Variants in ENTPD1 observed in about 807,000 individuals in gnomAD.
ENTPD1 encodes ectonucleoside triphosphate diphosphohydrolase 1, also known as ATP diphosphohydrolase.
A neutral mutation model predicts 57.0 loss-of-function variants in ENTPD1; 33 were observed. The observed-to-expected ratio is 0.58, with a 90% CI of 0.44 to 0.77. The LOEUF (loss-of-function observed/expected upper bound fraction) is 0.77, where lower values mean the gene tolerates loss of function less well. Ranked by LOEUF, ENTPD1 falls within the 30% of genes least tolerant of loss-of-function variation. The pLI is 0.00. For synonymous variants in ENTPD1, 202 were observed against 218.8 expected (o/e 0.92, Z 0.68); for missense variants, 501 against 603.4 (o/e 0.83, Z 1.78).
At chr10:95,768,203 T>C (rs2098098307) in intron 1 of ENTPD1, among the ~76,000 whole-genome samples, 1 of 152,224 alleles carries the variant, frequency 6.6e-6, no homozygotes. Flanking sequence ...GTTCCCCATT[T>C]CTGAAATTTA....
intron 1 of ENTPD1, chr10:95,756,864 G>A (rs1275947082): frequency 1.3e-5 from 2 of 152,626 alleles, no homozygotes; most frequent in African/African-American, 4.8e-5. Flanking sequence ...ACGGGTAGAG[G>A]GAGGAAATAG....
chr10:95,726,762 G>T (rs759307301), intron 1 of ENTPD1, among the ~76,000 whole-genome samples: 1 of 152,040 alleles, frequency 6.6e-6, no homozygotes, highest in South Asian at 2.1e-4. Context: ...ATTTTGGGGG[G>T]TTTATCTCTG....
intron 3 of ENTPD1, among the ~76,000 whole-genome samples, chr10:95,841,457 A>G (rs1158233524): frequency 6.6e-6 from 1 of 152,170 alleles, no homozygotes. Flanking sequence ...ACAATGAAGG[A>G]TTCTTCCCTC....
upstream of ENTPD1, among the ~76,000 whole-genome samples, chr10:95,752,286 C>A (rs758715898): frequency 7.9e-5 from 12 of 152,100 alleles, no homozygotes; most frequent in Non-Finnish European, 1.5e-4. Flanking sequence ...AGACCATGGT[C>A]TCAAGTAGCT....
intron 2 of ENTPD1, among the ~76,000 whole-genome samples, chr10:95,836,707 T>C (rs1156709772): frequency 1.3e-5 from 2 of 152,220 alleles, no homozygotes; most frequent in Admixed American, 6.5e-5. Flanking sequence ...AGAGAGAACA[T>C]GAACATTCTC....
chr10:95,786,388 T>C (rs545148200), intron 1 of ENTPD1, among the ~76,000 whole-genome samples: 20 of 152,204 alleles, frequency 1.3e-4, no homozygotes, highest in African/African-American at 4.8e-4. Context: ...GAGACTTCCA[T>C]ATTGCCCTGA....
At chr10:95,794,386 G>A (rs553320255) in intron 1 of ENTPD1, among the ~76,000 whole-genome samples, 28 of 152,146 alleles carry the variant, frequency 1.8e-4, no homozygotes, top group Non-Finnish European at 3.2e-4. Context: ...CTCAGCACGG[G>A]GGATGAAGTC....
Position 95,847,500 on chromosome 10 carries a change from G to A in ENTPD1, c.868G>A (p.Val290Ile), listed in dbSNP as rs750832881. ...DPCFHPGYKK[V>I]VNVSDLYKTP... ...ATGCTTTCATCCTGGATATAAGAAG[G>A]TAGTGAACGTAAGTGACCTTTACAA... is the stretch of plus-strand genomic sequence containing the variant. Residue 290 changes from valine (V) to isoleucine (I), a missense_variant, in exon 7 of 10, where the codon GTA becomes ATA. Val to Ile is a conservative substitution (Grantham distance 29, BLOSUM62 3). Transcript: ENST00000371205. The A allele has an allele frequency of 5.0e-6, 8 of 1,614,044 alleles. No homozygotes were observed. In the East Asian group the frequency reaches 1.8e-4, roughly 36 times the overall value.
intron 7 of ENTPD1, among the ~76,000 whole-genome samples, chr10:95,850,464 C>G (rs2140901435): frequency 6.6e-6 from 1 of 152,208 alleles, no homozygotes; most frequent in South Asian, 2.1e-4. Flanking sequence ...AGTTGTGAGT[C>G]AGACAAGCAG....
chr10:95,851,219 CATAA>C (rs2098444385), intron 7 of ENTPD1, among the ~76,000 whole-genome samples: 2 of 151,864 alleles, frequency 1.3e-5, no homozygotes. Context: ...CATATGTATA[CATAA>C]ATGTGTGTAT....
At chr10:95,755,959 T>A, upstream of ENTPD1, 1 of 1,466,414 alleles carries the variant, frequency 6.8e-7, no homozygotes, top group Non-Finnish European at 9.0e-7. Flanking sequence ...TATACATTGC[T>A]TCAAGGATGC....
chr10:95,839,880 A>C, intron 3 of ENTPD1, 72 bp downstream of exon 3: 4 of 1,485,320 alleles, frequency 2.7e-6, no homozygotes, highest in South Asian at 1.1e-5. Flanking sequence ...TGACCAGTAG[A>C]ACACAAGAGA....
In ENTPD1 at chr10:95,867,552, C is replaced by A. The variant is rs866858989; in HGVS notation, c.*1169C>A. 3.3e-5 allele frequency: 33 copies of A among 985,304 alleles called. No homozygotes were observed. The African/African-American group carries it at 5.6e-4, about 17-fold the overall frequency. The allele number at this position is 985,304 out of a possible 1,614,324, so 61.0% of individuals were successfully genotyped here. On this transcript the variant is annotated 3_prime_UTR_variant, in exon 10 of 10. Transcript: ENST00000371205. The stretch of plus-strand genomic sequence containing the variant: ...TTGCCCTATCGTGGAATTTACACAT[C>A]AGAATGTGCAGGATCCAAGTCTGAA...
intron 1 of ENTPD1, among the ~76,000 whole-genome samples, chr10:95,761,119 C>T (rs2098059977): frequency 6.6e-6 from 1 of 152,056 alleles, no homozygotes; most frequent in Admixed American, 6.6e-5. Flanking sequence ...CGTGAGCCAC[C>T]GCGCCCAGCC....
At chr10:95,707,046 G>T (rs2097962855), upstream of ENTPD1, among the ~76,000 whole-genome samples, 1 of 152,192 alleles carries the variant, frequency 6.6e-6, no homozygotes, top group Admixed American at 6.5e-5. Flanking sequence ...GAGATGGCCG[G>T]GTCCTGTGCC....
intron 7 of ENTPD1, among the ~76,000 whole-genome samples, chr10:95,851,699 G>A (rs753486628): frequency 6.6e-6 from 1 of 151,230 alleles, no homozygotes; most frequent in African/African-American, 2.4e-5. Flanking sequence ...TTGTCCCTGC[G>A]ATAGTTTGCT....
At chr10:95,807,901 GC>G (rs774272683) in intron 1 of ENTPD1, among the ~76,000 whole-genome samples, 2 of 152,162 alleles carry the variant, frequency 1.3e-5, no homozygotes, top group African/African-American at 2.4e-5. Context: ...CTATTTGGAT[GC>G]CCTTTATTTC....
Position 95,771,845 on chromosome 10 carries a change from T to C in ENTPD1, c.16+15590T>C, listed in dbSNP as rs116477401. Among the ~76,000 whole-genome samples, 331 of 152,314 alleles carry C rather than the reference T, an allele frequency of 2.2e-3. 1 individual carries two copies. The highest frequency in any genetic ancestry group is 7.5e-3 in the African/African-American group (312 of 41,580). On this transcript the variant is annotated intron_variant, in intron 1 of 9. Coordinates refer to ENST00000371205, the MANE Select transcript of ENTPD1 (RefSeq NM_001776.6). ...ATGTATCCGAAGGCTTCCTGGAGTTTTCCTGACTTCTTTTTAGCTTTACTG... is the reference window on the plus strand; with the variant it reads ...ATGTATCCGAAGGCTTCCTGGAGTTCTCCTGACTTCTTTTTAGCTTTACTG...
intron 1 of ENTPD1, among the ~76,000 whole-genome samples, chr10:95,733,549 T>C (rs929525651): frequency 6.6e-6 from 1 of 152,224 alleles, no homozygotes; most frequent in Non-Finnish European, 1.5e-5. Flanking sequence ...TGTTCACAGA[T>C]TGCAGTAAAG....
Sources: gnomAD v4.1 joint callset for allele counts (sites outside exome capture counted in the v4.1 genomes callset) on GRCh38, gnomAD v4.1.1 for gene constraint, MANE v1.5 for transcripts, NCBI Gene and HGNC (gene_info 2026-07-23, HGNC 2026-07-21) for gene names.